The following DLAT variants were observed in gnomAD, a reference collection of about 807,000 sequenced individuals.
DLAT encodes dihydrolipoyllysine-residue acetyltransferase component of pyruvate dehydrogenase complex, mitochondrial.
DLAT carries 43 observed loss-of-function variants against 68.0 expected under a neutral mutation model. That is an observed-to-expected ratio of 0.63 (90% CI 0.50 to 0.81). The LOEUF (loss-of-function observed/expected upper bound fraction) is 0.81, where lower values mean the gene tolerates loss of function less well. Among genes scored for constraint, DLAT ranks in the 40% least tolerant of loss-of-function variants. The probability of loss-of-function intolerance (pLI) is 0.00; values close to 1 mark genes in which losing one functional copy is unlikely to be tolerated. For missense variants in DLAT, 745 were observed against 815.4 expected (o/e 0.91, Z 1.05); for synonymous variants, 265 against 288.6 (o/e 0.92, Z 0.83).
rs587743982 is a variant in DLAT, at chr11:112,061,290, A to T, written c.1814+116A>T. ...ACCCCCTCAAATATCGTGATCCACA[A>T]TGCTCAAGTCCCTGATATGATATGA... On this transcript the variant is annotated intron_variant, in intron 13 of 13. Transcript: ENST00000280346. 2.9e-6 allele frequency: 3 copies of T among 1,043,472 alleles called. No homozygotes were observed. In the East Asian group the frequency reaches 7.2e-5, roughly 25 times the overall value. 64.6% of individuals were successfully genotyped at this position (1,043,472 alleles called of 1,614,324 possible).
chr11:112,062,476 G>A lies in DLAT; in HGVS notation c.1885G>A (p.Ala629Thr), dbSNP rs782185587. 5 of 1,612,728 alleles carry A rather than the reference G, an allele frequency of 3.1e-6. No homozygotes were observed. Among genetic ancestry groups the A allele is most frequent in the Non-Finnish European group, 4.2e-6 (5 of 1,179,996 alleles). The stretch of plus-strand genomic sequence containing the variant: ...CCGGGTGGTGGATGGAGCAGTTGGA[G>A]CCCAGTGGCTTGCTGAGTTTAGAAA... The part of the protein sequence containing the change: ...DHRVVDGAVG[A>T]QWLAEFRKYL... The change falls in exon 14 of 14, where the codon GCC (alanine) becomes ACC (threonine). Residue 629 changes from alanine (A) to threonine (T), a missense_variant. Ala to Thr is a moderately conservative substitution (Grantham distance 58, BLOSUM62 0). Transcript: ENST00000280346.
chr11:112,036,167 ATGTGTGTGTGTGTGTG>A (rs1311809853), intron 5 of DLAT, among the ~76,000 whole-genome samples: 4 of 82,538 alleles, frequency 4.8e-5, no homozygotes, highest in South Asian at 9.1e-4. Flanking sequence ...GTGTGTATAT[ATGTGTGTGTGTGTGTG>A]TGTGTGTGTG....
intron 8 of DLAT, 129 bp downstream of exon 8, chr11:112,043,662 T>A: frequency 1.1e-6 from 1 of 928,900 alleles, no homozygotes; most frequent in African/African-American, 1.6e-5. Flanking sequence ...GGTTTAATAA[T>A]ACAGTCATCC....
rs781890045 is a variant in DLAT at position 112,025,769 on chromosome 11, C to T, written c.279+18C>T. On this transcript the variant is annotated intron_variant, in intron 1 of 13. Transcript: ENST00000280346. Reference sequence around the variant, plus strand: ...ATCAGAAGGTGAGCCCTAGACCCCCCTTCTCGGGACCCCGTTGTCCTTCAG... The same window carrying T: ...ATCAGAAGGTGAGCCCTAGACCCCCTTTCTCGGGACCCCGTTGTCCTTCAG... The T allele has an allele frequency of 3.7e-6, 6 of 1,612,640 alleles. No homozygotes were observed. The highest frequency in any genetic ancestry group is 1.1e-5 in the South Asian group (1 of 91,010).
At chr11:112,060,178 T>G (rs587651366) in intron 12 of DLAT, 113 bp downstream of exon 12, 1 of 1,039,362 alleles carries the variant, frequency 9.6e-7, no homozygotes, top group East Asian at 2.7e-5. Context: ...TTTTTTTTTT[T>G]TTTGAGACGG....
Position 112,043,514 on chromosome 11 carries a change from T to G in DLAT, c.1178T>G (p.Val393Gly), listed in dbSNP as rs1555181184. The change falls in exon 8 of 14, where the codon GTG (valine) becomes GGG (glycine). Residue 393 changes from valine to glycine, a missense_variant. Transcript: ENST00000280346. ...RITKKDIDSF[V>G]PSKVAPAPAA... ...ACCAAGAAGGATATCGACTCTTTTGTGCCTAGTAAAGTTGCTCCTGTGAGT... is the reference window on the plus strand; with the variant it reads ...ACCAAGAAGGATATCGACTCTTTTGGGCCTAGTAAAGTTGCTCCTGTGAGT... 1 of 1,614,068 alleles carries G rather than the reference T, an allele frequency of 6.2e-7. No homozygotes were observed. Among genetic ancestry groups the G allele is most frequent in the African/African-American group, 1.3e-5 (1 of 74,944 alleles).
chr11:112,039,537 G>A, intron 7 of DLAT, 140 bp downstream of exon 7: 1 of 910,570 alleles, frequency 1.1e-6, no homozygotes, highest in Non-Finnish European at 1.7e-6. Context: ...CCTTCAGAAG[G>A]GAGAAATAGT....
At position 112,034,790 on chromosome 11, in the gene DLAT, T is replaced by C. The variant is rs1246850054; in HGVS notation, c.787+1260T>C. ...CACCCCCGCTTTTTCTTTTTTTTTTTTGAGACAGAGTTTTGCTCTGTCACC... is the reference window on the plus strand; with the variant it reads ...CACCCCCGCTTTTTCTTTTTTTTTTCTGAGACAGAGTTTTGCTCTGTCACC... On this transcript the variant is annotated intron_variant, in intron 5 of 13. Transcript: ENST00000280346. Among the ~76,000 whole-genome samples the C allele has an allele frequency of 2.0e-5, 3 of 151,612 alleles. No individual in the cohort carries two copies. The East Asian group carries it at 5.8e-4, about 29-fold the overall frequency.
At chr11:112,035,304 C>A (rs1555180308) in intron 5 of DLAT, among the ~76,000 whole-genome samples, 1 of 152,080 alleles carries the variant, frequency 6.6e-6, no homozygotes, top group African/African-American at 2.4e-5. Flanking sequence ...TTTGTGCTTC[C>A]CCATAAATTT....
At chr11:112,036,197 G>T (rs1300893653) in intron 5 of DLAT, among the ~76,000 whole-genome samples, 682 of 59,538 alleles carry the variant, frequency 0.011, 15 homozygotes, top group African/African-American at 0.039. Context: ...GTGTGTGTGT[G>T]TGTGTTTTTT....
At chr11:112,043,170 T>C (rs1863134034) in intron 7 of DLAT, among the ~76,000 whole-genome samples, 1 of 152,214 alleles carries the variant, frequency 6.6e-6, no homozygotes, top group Non-Finnish European at 1.5e-5. Context: ...TGAAAAAAAT[T>C]AAGTACAACT....
chr11:112,029,788 C>G (rs1435960710), intron 4 of DLAT: 2 of 491,146 alleles, frequency 4.1e-6, no homozygotes, highest in Admixed American at 2.4e-5. Context: ...TTATCTTACT[C>G]AAGAACACCA....
At chr11:112,031,960 A>G (rs1242802180) in intron 4 of DLAT, among the ~76,000 whole-genome samples, 7 of 115,280 alleles carry the variant, frequency 6.1e-5, no homozygotes, top group African/African-American at 2.4e-4. Context: ...TAGTGGCACG[A>G]TCTTGGCTCA....
chr11:112,029,447 G>A (rs1862277176), intron 4 of DLAT, among the ~76,000 whole-genome samples: 1 of 152,116 alleles, frequency 6.6e-6, no homozygotes, highest in African/African-American at 2.4e-5. Context: ...AAGTTGGAAG[G>A]GAAAGGGGAA....
rs377105383 is a variant in DLAT, at chr11:112,055,556, C to T, written c.1514+4207C>T. ...ACCGCGCCCGGCCAAGGCCTATATT[C>T]AACTATTGCTCCTCTCTAAACCCCT... On this transcript the variant is annotated intron_variant, in intron 11 of 13. Coordinates refer to ENST00000280346, the MANE Select transcript of DLAT (RefSeq NM_001931.5). Among the ~76,000 whole-genome samples, 3 of 151,934 alleles carry T rather than the reference C, an allele frequency of 2.0e-5. No individual in the cohort carries two copies. In the South Asian group the frequency reaches 6.2e-4, roughly 32 times the overall value.
At chr11:112,039,177 A>C (rs1862926891) in intron 6 of DLAT, 67 bp from the exon 7 acceptor site, 2 of 1,474,538 alleles carry the variant, frequency 1.4e-6, no homozygotes. Context: ...TAAGATGTAA[A>C]CTTTTAATCT....
At chr11:112,040,763 A>G (rs1863011101) in intron 7 of DLAT, among the ~76,000 whole-genome samples, 1 of 152,104 alleles carries the variant, frequency 6.6e-6, no homozygotes, top group Non-Finnish European at 1.5e-5. Flanking sequence ...CAGCAGTGTA[A>G]GTTGGAGTAA....
chr11:112,032,903 C>T (rs1555180076), intron 4 of DLAT, among the ~76,000 whole-genome samples: 1 of 151,868 alleles, frequency 6.6e-6, no homozygotes, highest in Non-Finnish European at 1.5e-5. Flanking sequence ...CCCATCTCTA[C>T]AAAAATACAA....
intron 8 of DLAT, among the ~76,000 whole-genome samples, chr11:112,044,688 C>G (rs1863217163): frequency 6.6e-6 from 1 of 151,860 alleles, no homozygotes; most frequent in Non-Finnish European, 1.5e-5. Context: ...ACTCTTAAAA[C>G]AAGCAGAAGT....
Sources: gnomAD v4.1 joint callset for allele counts (sites outside exome capture counted in the v4.1 genomes callset) on GRCh38, gnomAD v4.1.1 for gene constraint, MANE v1.5 for transcripts, NCBI Gene and HGNC (gene_info 2026-07-23, HGNC 2026-07-21) for gene names.